RCL1: variants seen among roughly 807,000 people sequenced by gnomAD.
RCL1 encodes the protein RNA 3'-terminal phosphate cyclase-like protein.
Under a neutral mutation model 42.4 loss-of-function variants are expected in RCL1, and 24 were observed. That is an observed-to-expected ratio of 0.57 (90% CI 0.41 to 0.80). The LOEUF (loss-of-function observed/expected upper bound fraction) is 0.80, where lower values mean the gene tolerates loss of function less well. RCL1 is among the 30% of genes least tolerant of loss of function. The probability of loss-of-function intolerance (pLI) is 0.00; values close to 1 mark genes in which losing one functional copy is unlikely to be tolerated. For synonymous variants in RCL1, 228 were observed against 177.3 expected (o/e 1.29, Z -2.27); for missense variants, 578 against 467.9 (o/e 1.24, Z -2.17).
intron 2 of RCL1, among the ~76,000 whole-genome samples, chr9:4,825,395 T>G (rs1199397035): frequency 1.3e-5 from 2 of 152,206 alleles, no homozygotes; most frequent in Non-Finnish European, 2.9e-5. Flanking sequence ...TTTTATGGTT[T>G]TTTGATCTAA....
intron 8 of RCL1, among the ~76,000 whole-genome samples, chr9:4,854,135 C>G (rs909952032): frequency 1.9e-4 from 29 of 152,162 alleles, no homozygotes; most frequent in African/African-American, 6.5e-4. Context: ...AAGTGATAGC[C>G]TTCCTTCTCA....
At chr9:4,846,568 AG>A (rs3837253) in intron 7 of RCL1, among the ~76,000 whole-genome samples, 53,473 of 151,956 alleles carry the variant, frequency 0.35, 9,880 homozygotes, top group South Asian at 0.46. Flanking sequence ...ACTTATTTGT[AG>A]GGGGGCGGGA....
At chr9:4,815,163 A>G (rs1816326508) in intron 1 of RCL1, among the ~76,000 whole-genome samples, 1 of 152,144 alleles carries the variant, frequency 6.6e-6, no homozygotes, top group Non-Finnish European at 1.5e-5. Context: ...ACCTCTTATC[A>G]GCCTTGGGAG....
intron 1 of RCL1, among the ~76,000 whole-genome samples, chr9:4,799,976 A>G (rs1842971899): frequency 6.6e-6 from 1 of 152,212 alleles, no homozygotes. Context: ...GTGTGTGATT[A>G]GCCTGAGGTT....
At chr9:4,793,857 G>A (rs1842872436) in intron 1 of RCL1, among the ~76,000 whole-genome samples, 1 of 152,238 alleles carries the variant, frequency 6.6e-6, no homozygotes, top group Non-Finnish European at 1.5e-5. Flanking sequence ...ACAGTCATGG[G>A]CCTAATTGCC....
chr9:4,827,731 A>AGTGTGTGTGTGTGT (rs71326142), intron 3 of RCL1, among the ~76,000 whole-genome samples: 23 of 147,600 alleles, frequency 1.6e-4, no homozygotes, highest in African/African-American at 4.5e-4. Context: ...TCTAGGATGA[A>AGTGTGTGTGTGTGT]GTGTGTGTGT....
intron 3 of RCL1, among the ~76,000 whole-genome samples, chr9:4,828,773 A>G (rs1179222088): frequency 6.6e-6 from 1 of 152,138 alleles, no homozygotes; most frequent in Non-Finnish European, 1.5e-5. Context: ...TAAAAATTTT[A>G]TATGCTAACA....
At chr9:4,851,435 G>C (rs1314978265) in intron 8 of RCL1, among the ~76,000 whole-genome samples, 2 of 152,182 alleles carry the variant, frequency 1.3e-5, no homozygotes, top group Non-Finnish European at 2.9e-5. Context: ...AGCTGGATCT[G>C]TTTCATACTC....
chr9:4,834,028 A>C, intron 4 of RCL1, 113 bp from the exon 5 acceptor site: 37 of 1,168,670 alleles, frequency 3.2e-5, no homozygotes, highest in Non-Finnish European at 3.6e-5. Flanking sequence ...TGAATATGGA[A>C]GAGCTATGCC....
intron 1 of RCL1, among the ~76,000 whole-genome samples, chr9:4,797,267 A>C (rs1842927868): frequency 6.6e-6 from 1 of 152,256 alleles, no homozygotes; most frequent in Non-Finnish European, 1.5e-5. Flanking sequence ...CATAGGAAGA[A>C]TAAATGTTAG....
intron 1 of RCL1, among the ~76,000 whole-genome samples, chr9:4,818,759 C>G (rs1298837578): frequency 6.6e-6 from 1 of 151,710 alleles, no homozygotes; most frequent in Admixed American, 6.6e-5. Flanking sequence ...GTAGTCCTAG[C>G]TACTCGGGAG....
At chr9:4,852,729 C>A (rs1343929680) in intron 8 of RCL1, among the ~76,000 whole-genome samples, 1 of 149,864 alleles carries the variant, frequency 6.7e-6, no homozygotes, top group Non-Finnish European at 1.5e-5. Flanking sequence ...TGCCTGGACA[C>A]CCCTTCACCC....
At chr9:4,828,897 G>T (rs971291762) in intron 3 of RCL1, among the ~76,000 whole-genome samples, 1 of 152,204 alleles carries the variant, frequency 6.6e-6, no homozygotes, top group African/African-American at 2.4e-5. Flanking sequence ...ACCTTGGTTG[G>T]TATCTGGCTC....
chr9:4,860,384 C>T lies in RCL1; in HGVS notation c.*109C>T. Reference sequence around the variant, plus strand: ...TAATCCAGGACAGAATAGCCACTTGCTTAATTTTCTGTGAAGAAATATCAA... The same window carrying T: ...TAATCCAGGACAGAATAGCCACTTGTTTAATTTTCTGTGAAGAAATATCAA... On this transcript the variant is annotated 3_prime_UTR_variant, in exon 9 of 9. Coordinates refer to ENST00000381750, the MANE Select transcript of RCL1 (RefSeq NM_005772.5). 8.8e-7 allele frequency: 1 copy of T among 1,132,768 alleles called. No individual in the cohort carries two copies. Among genetic ancestry groups the T allele is most frequent in the South Asian group, 1.6e-5 (1 of 60,958 alleles). 70.2% of individuals were successfully genotyped at this position (1,132,768 alleles called of 1,614,324 possible).
intron 1 of RCL1, among the ~76,000 whole-genome samples, chr9:4,808,045 C>G (rs1293779865): frequency 1.3e-5 from 2 of 151,890 alleles, no homozygotes; most frequent in African/African-American, 4.8e-5. Context: ...GTGGAGTGCT[C>G]TATAAATGTT....
intron 3 of RCL1, among the ~76,000 whole-genome samples, chr9:4,827,567 C>T (rs1816802496): frequency 6.6e-6 from 1 of 152,140 alleles, no homozygotes; most frequent in Non-Finnish European, 1.5e-5. Context: ...TTGTGGGTGT[C>T]AGCAAGCTTT....
chr9:4,841,361 A>T lies in RCL1; in HGVS notation c.710+4A>T. ...TGAAAGGAGTCAACTCTGGGAAGTA[A>T]GTATCTGTGTTTTTGAAGTCTGTTT... On this transcript the variant is annotated splice_donor_region_variant and intron_variant, in intron 6 of 8. Transcript: ENST00000381750. The T allele has an allele frequency of 6.2e-7, 1 of 1,608,364 alleles. No individual in the cohort carries two copies. The highest frequency in any genetic ancestry group is 8.5e-7 in the Non-Finnish European group (1 of 1,175,048).
chr9:4,822,548 T>G (rs2130997976), intron 1 of RCL1, among the ~76,000 whole-genome samples: 1 of 152,316 alleles, frequency 6.6e-6, no homozygotes, highest in South Asian at 2.1e-4. Context: ...CCAGGCTTGG[T>G]GGCTCACGAC....
chr9:4,857,699 C>T (rs980389148), intron 8 of RCL1, among the ~76,000 whole-genome samples: 10 of 152,198 alleles, frequency 6.6e-5, no homozygotes, highest in African/African-American at 2.4e-4. Flanking sequence ...TTGTTTTCCA[C>T]AGCGGCTGTA....
Sources: allele counts gnomAD v4.1 joint callset (sites outside exome capture counted in the v4.1 genomes callset), GRCh38; gene constraint gnomAD v4.1.1; transcripts MANE v1.5; gene names NCBI Gene and HGNC (gene_info 2026-07-23, HGNC 2026-07-21).